The following PELI2 variants were observed in gnomAD, a reference collection of about 807,000 sequenced individuals.
The protein encoded by PELI2 is pellino E3 ubiquitin protein ligase family member 2.
A neutral mutation model predicts 42.3 loss-of-function variants in PELI2; 23 were observed. That is an observed-to-expected ratio of 0.54 (90% confidence interval 0.39 to 0.77). PELI2 has a LOEUF of 0.77. PELI2 is among the 30% of genes least tolerant of loss of function. PELI2 has a pLI of 0.00. For synonymous variants in PELI2, 245 were observed against 212.2 expected (o/e 1.15, Z -1.34); for missense variants, 463 against 553.2 (o/e 0.84, Z 1.64).
chr14:56,296,380 A>G (rs1258203897), intron 5 of PELI2, among the ~76,000 whole-genome samples: 1 of 152,232 alleles, frequency 6.6e-6, no homozygotes, highest in Non-Finnish European at 1.5e-5. Context: ...TACTGTGCTC[A>G]GGGCTTTGTA....
chr14:56,125,853 G>GGC (rs1883238225), intron 1 of PELI2, among the ~76,000 whole-genome samples: 1 of 152,080 alleles, frequency 6.6e-6, no homozygotes, highest in East Asian at 1.9e-4. Context: ...TCTGGTGCAT[G>GGC]TTAGGTACTC....
chr14:56,205,454 C>T (rs750399901), intron 2 of PELI2, among the ~76,000 whole-genome samples: 44 of 152,050 alleles, frequency 2.9e-4, no homozygotes, highest in Non-Finnish European at 5.0e-4. Context: ...GTTGATTGAG[C>T]TGGATCCTAG....
rs1323643905 is a variant in PELI2, at chr14:56,118,645, G to C, written c.-16G>C. 7.2e-7 allele frequency: 1 copy of C among 1,382,528 alleles called. No homozygotes were observed. The highest frequency in any genetic ancestry group is 3.4e-5 in the Admixed American group (1 of 29,652). The allele number at this position is 1,382,528 out of a possible 1,614,324, so 85.6% of individuals were successfully genotyped here. On this transcript the variant is annotated 5_prime_UTR_variant, in exon 1 of 6. Transcript: ENST00000267460. The stretch of plus-strand genomic sequence containing the variant: ...CGGCGGCGTCGGCGGCGGCGTCGGC[G>C]GCCGAGCGGGGCTCCATGTTTTCCC...
chr14:56,208,284 C>G (rs1237812684), intron 2 of PELI2, among the ~76,000 whole-genome samples: 1 of 152,116 alleles, frequency 6.6e-6, no homozygotes, highest in Non-Finnish European at 1.5e-5. Context: ...TTCAGGGAGA[C>G]AGAGAGGACT....
intron 1 of PELI2, among the ~76,000 whole-genome samples, chr14:56,129,692 C>T (rs182892089): frequency 3.3e-4 from 50 of 152,330 alleles, no homozygotes; most frequent in Non-Finnish European, 5.6e-4. Flanking sequence ...GGCTGCTTTT[C>T]CTCCAGGCTG....
intron 1 of PELI2, among the ~76,000 whole-genome samples, chr14:56,165,744 C>T (rs1361620742): frequency 1.3e-5 from 2 of 151,990 alleles, no homozygotes; most frequent in Admixed American, 1.3e-4. Flanking sequence ...GCTGAGTTGG[C>T]CCCTTTATCG....
At chr14:56,294,927 G>A (rs541286918) in intron 5 of PELI2, among the ~76,000 whole-genome samples, 2 of 152,252 alleles carry the variant, frequency 1.3e-5, no homozygotes, top group Admixed American at 6.5e-5. Flanking sequence ...AGGTTAAGTC[G>A]TTGACTCAAG....
At chr14:56,243,627 G>T (rs554375653) in intron 2 of PELI2, among the ~76,000 whole-genome samples, 1 of 152,228 alleles carries the variant, frequency 6.6e-6, no homozygotes, top group African/African-American at 2.4e-5. Flanking sequence ...GTTTACTTTT[G>T]TTAACCTTTG....
chr14:56,264,055 A>G (rs925543138), intron 2 of PELI2, among the ~76,000 whole-genome samples: 1 of 152,194 alleles, frequency 6.6e-6, no homozygotes, highest in Non-Finnish European at 1.5e-5. Flanking sequence ...CCAAATTAAT[A>G]CTCAGGGTCC....
chr14:56,195,296 T>C (rs1010763498), intron 2 of PELI2, among the ~76,000 whole-genome samples: 21 of 152,224 alleles, frequency 1.4e-4, no homozygotes, highest in Middle Eastern at 3.2e-3. Context: ...TCATATTGTG[T>C]CTTTATGTCT....
intron 5 of PELI2, among the ~76,000 whole-genome samples, chr14:56,291,069 C>T (rs988400594): frequency 6.6e-6 from 1 of 152,152 alleles, no homozygotes; most frequent in African/African-American, 2.4e-5. Flanking sequence ...CCCATTCTTT[C>T]TTGGAGAATA....
intron 2 of PELI2, among the ~76,000 whole-genome samples, chr14:56,222,661 G>A (rs915583967): frequency 6.6e-5 from 10 of 152,236 alleles, no homozygotes; most frequent in African/African-American, 2.4e-4. Context: ...AGGGAGCAGA[G>A]CCAGCTCTAG....
chr14:56,145,249 G>T (rs1025796947), intron 1 of PELI2, among the ~76,000 whole-genome samples: 4 of 152,066 alleles, frequency 2.6e-5, no homozygotes, highest in African/African-American at 9.7e-5. Context: ...ACCAGATCTC[G>T]TGAGAACTCT....
Position 56,118,800 on chromosome 14 carries a change from C to T in PELI2, c.77+63C>T, listed in dbSNP as rs943428930. 8.7e-6 allele frequency: 10 copies of T among 1,150,800 alleles called. No homozygotes were observed. In the African/African-American group the frequency reaches 1.3e-4, roughly 15 times the overall value. 71.3% of individuals were successfully genotyped at this position (1,150,800 alleles called of 1,614,324 possible). A position where few individuals can be genotyped will look rare whatever the true frequency, so the allele number is the denominator to read the frequency against. The stretch of plus-strand genomic sequence containing the variant: ...GGCGGGGAGCGCCCGCATCCTGGAG[C>T]GGGGCTGGCGGGGTGGCTCGGTGCT... On this transcript the variant is annotated intron_variant, in intron 1 of 5. Transcript: ENST00000267460.
intron 3 of PELI2, among the ~76,000 whole-genome samples, chr14:56,284,390 C>T (rs1216337946): frequency 6.6e-6 from 1 of 152,102 alleles, no homozygotes; most frequent in Non-Finnish European, 1.5e-5. Context: ...CCTAGAGTAA[C>T]GTGTGGTGCC....
chr14:56,121,527 A>G (rs1424086540), intron 1 of PELI2, among the ~76,000 whole-genome samples: 2 of 152,158 alleles, frequency 1.3e-5, no homozygotes, highest in Admixed American at 6.5e-5. Context: ...TGTGTCCACT[A>G]CTTAACTGAA....
intron 2 of PELI2, among the ~76,000 whole-genome samples, chr14:56,253,241 A>C (rs10873094): frequency 6.6e-6 from 1 of 152,028 alleles, no homozygotes; most frequent in Non-Finnish European, 1.5e-5. Flanking sequence ...CACAGCCAAT[A>C]TCACACTGAA....
chr14:56,252,467 C>T (rs1382978), intron 2 of PELI2, among the ~76,000 whole-genome samples: 57,996 of 151,990 alleles, frequency 0.38, 12,374 homozygotes, highest in South Asian at 0.53. Flanking sequence ...TAACCTGTAA[C>T]GTATTGTAAG....
At chr14:56,225,176 G>A (rs1258978697) in intron 2 of PELI2, among the ~76,000 whole-genome samples, 2 of 152,194 alleles carry the variant, frequency 1.3e-5, no homozygotes, top group South Asian at 2.1e-4. Context: ...ACAGGGAAAC[G>A]ATGGGGCCCG....
Sources: gnomAD v4.1 joint callset for allele counts (sites outside exome capture counted in the v4.1 genomes callset) on GRCh38, gnomAD v4.1.1 for gene constraint, MANE v1.5 for transcripts, NCBI Gene and HGNC (gene_info 2026-07-23, HGNC 2026-07-21) for gene names.